The following ZNF608 variants were observed in gnomAD, a reference collection of about 807,000 sequenced individuals.
The protein encoded by ZNF608 is renal carcinoma antigen NY-REN-36.
Under a neutral mutation model 109.0 loss-of-function variants are expected in ZNF608, and 12 were observed. The observed-to-expected ratio is 0.11, with a 90% CI of 0.07 to 0.18. The LOEUF is 0.18. Ranked by LOEUF, ZNF608 falls within the 10% of genes least tolerant of loss-of-function variation. ZNF608 has a pLI of 1.00. For missense variants in ZNF608, 1,707 were observed against 1,879.3 expected (o/e 0.91, Z 1.70); for synonymous variants, 732 against 717.4 (o/e 1.02, Z -0.33).
chr5:124,676,246 T>TA (rs767391383), intron 3 of ZNF608, among the ~76,000 whole-genome samples: 2 of 152,284 alleles, frequency 1.3e-5, no homozygotes, highest in Admixed American at 6.5e-5. Flanking sequence ...GTGCAAACAA[T>TA]AAACGCTCTG....
chr5:124,639,389 T>C (rs1750133463), intron 8 of ZNF608, among the ~76,000 whole-genome samples, 175 bp from the exon 9 acceptor site: 1 of 152,260 alleles, frequency 6.6e-6, no homozygotes, highest in South Asian at 2.1e-4. Flanking sequence ...ATCTGCTATC[T>C]ATCCTTTCTT....
At chr5:124,668,234 T>A (rs1751569884) in intron 3 of ZNF608, among the ~76,000 whole-genome samples, 1 of 145,730 alleles carries the variant, frequency 6.9e-6, no homozygotes, top group Non-Finnish European at 1.5e-5. Context: ...TATATATATT[T>A]TATATATATC....
intron 3 of ZNF608, among the ~76,000 whole-genome samples, chr5:124,680,185 T>G (rs1050865189): frequency 6.6e-6 from 1 of 152,130 alleles, no homozygotes; most frequent in Non-Finnish European, 1.5e-5. Flanking sequence ...ATAAATTAAA[T>G]GACTAGATCT....
chr5:124,641,534 T>C, intron 7 of ZNF608, 129 bp from the exon 8 acceptor site: 1 of 1,065,994 alleles, frequency 9.4e-7, no homozygotes, highest in Non-Finnish European at 1.3e-6. Flanking sequence ...ATACAATTCT[T>C]TAGTAACTAA....
chr5:124,659,154 AT>A (rs10709034), intron 3 of ZNF608, among the ~76,000 whole-genome samples: 96,777 of 148,898 alleles, frequency 0.65, 32,059 homozygotes, highest in African/African-American at 0.81. Context: ...TAATTACAGG[AT>A]TTTTTTTTTT....
chr5:124,744,283 T>A lies in ZNF608; in HGVS notation c.707A>T (p.Tyr236Phe). 6.2e-7 allele frequency: 1 copy of A among 1,613,898 alleles called. No individual in the cohort carries two copies. The highest frequency in any genetic ancestry group is 1.7e-4 in the Middle Eastern group (1 of 6,060). ...TCCATTGCTCTTGGCCCCAAAGCCA[T>A]AGAGGTGCCCCCCGGAAGGGGCCTG... ...GSQAPSGGHLYGFGAKSNGGG... is the reference protein window; with the variant it reads ...GSQAPSGGHLFGFGAKSNGGG... Residue 236 changes from tyrosine (Y) to phenylalanine (F), a missense_variant, in exon 2 of 10, where the codon TAT (tyrosine) becomes TTT (phenylalanine). Around this residue, in one of 7 missense-constraint regions of ZNF608, gnomAD observed 407 missense variants for 398.7 expected, o/e 1.02. Transcript: ENST00000513986. The surrounding 1 kb of genome is among the most constrained non-coding windows in gnomAD (Gnocchi z 4.5).
At chr5:124,700,391 G>A (rs1394821831) in intron 3 of ZNF608, among the ~76,000 whole-genome samples, 1 of 152,212 alleles carries the variant, frequency 6.6e-6, no homozygotes, top group African/African-American at 2.4e-5. Flanking sequence ...CATTTCCTTT[G>A]AACCTTGTTT....
At chr5:124,706,678 G>A (rs1753270388) in intron 2 of ZNF608, among the ~76,000 whole-genome samples, 1 of 152,116 alleles carries the variant, frequency 6.6e-6, no homozygotes, top group African/African-American at 2.4e-5. Context: ...GGACACTGAT[G>A]TAACCTATTA....
At chr5:124,675,095 G>A (rs1356891459) in intron 3 of ZNF608, among the ~76,000 whole-genome samples, 1 of 152,092 alleles carries the variant, frequency 6.6e-6, no homozygotes, top group African/African-American at 2.4e-5. Flanking sequence ...AAACAAAACA[G>A]TCTCTCCTTT....
intron 3 of ZNF608, among the ~76,000 whole-genome samples, chr5:124,666,043 G>C (rs1196743077): frequency 6.6e-6 from 1 of 152,234 alleles, no homozygotes; most frequent in Non-Finnish European, 1.5e-5. Flanking sequence ...GTGCGTACTA[G>C]GTTGCTTGTG....
intron 2 of ZNF608, among the ~76,000 whole-genome samples, chr5:124,721,064 T>C (rs536963888): frequency 6.6e-6 from 1 of 152,148 alleles, no homozygotes; most frequent in African/African-American, 2.4e-5. Context: ...TGACAGTTTG[T>C]TATTCTGAGA....
chr5:124,746,068 T>A (rs1749629162), intron 1 of ZNF608, 127 bp downstream of exon 1: 1 of 956,798 alleles, frequency 1.0e-6, no homozygotes, highest in African/African-American at 1.8e-5. Context: ...CGCAAATGAG[T>A]GTGTTTGACA....
At chr5:124,689,655 T>A (rs192256507) in intron 3 of ZNF608, among the ~76,000 whole-genome samples, 1 of 152,286 alleles carries the variant, frequency 6.6e-6, no homozygotes, top group East Asian at 1.9e-4. Flanking sequence ...AGGCTCCACA[T>A]CATAAATTGT....
At chr5:124,642,692 C>CTTTT (rs755561532) in intron 7 of ZNF608, among the ~76,000 whole-genome samples, 35 of 95,276 alleles carry the variant, frequency 3.7e-4, no homozygotes, top group East Asian at 6.1e-4. Flanking sequence ...TTTCTATTGT[C>CTTTT]TTTTTTTTTT....
intron 2 of ZNF608, among the ~76,000 whole-genome samples, chr5:124,704,448 A>T (rs540677712): frequency 6.6e-5 from 10 of 152,232 alleles, no homozygotes; most frequent in Non-Finnish European, 1.5e-4. Flanking sequence ...GGTGGAGCAC[A>T]AAGTCTCCCC....
chr5:124,721,538 G>A (rs939005398), intron 2 of ZNF608, among the ~76,000 whole-genome samples: 1 of 152,042 alleles, frequency 6.6e-6, no homozygotes, highest in African/African-American at 2.4e-5. Context: ...AAATAGAAAT[G>A]GGGGAAATTA....
chr5:124,648,170 A>T lies in ZNF608; in HGVS notation c.2214T>A (p.Ile738=), dbSNP rs774621512. The T allele has an allele frequency of 2.7e-5, 43 of 1,612,918 alleles. No homozygotes were observed. In the Admixed American group the frequency reaches 7.2e-4, roughly 27 times the overall value. ...GGGGAGTGGGGGCTGGGGCAGGGGC[A>T]ATGGGCCGGGCACTTTTCAGTTTAG... is the stretch of plus-strand genomic sequence containing the variant. ...NLSKLKSARP[I]APAPAPTPPQ... Residue 738 remains isoleucine, a synonymous_variant, in exon 5 of 10, where the codon ATT becomes ATA. Coordinates refer to ENST00000513986, the MANE Select transcript of ZNF608 (RefSeq NM_020747.3).
chr5:124,741,435 A>C (rs1004485618), intron 2 of ZNF608, among the ~76,000 whole-genome samples: 2 of 143,830 alleles, frequency 1.4e-5, no homozygotes, highest in African/African-American at 2.6e-5. Context: ...ACACACATAC[A>C]CTCCCCCCTT....
chr5:124,726,509 T>C (rs970703554), intron 2 of ZNF608, among the ~76,000 whole-genome samples: 3 of 152,084 alleles, frequency 2.0e-5, no homozygotes, highest in African/African-American at 7.2e-5. Flanking sequence ...AACGTGACCA[T>C]TTCTTGCCAC....
Sources: gnomAD v4.1 joint callset for allele counts (sites outside exome capture counted in the v4.1 genomes callset) on GRCh38, gnomAD v4.1.1 for gene constraint, gnomAD v4.1.1 regional missense constraint, Gnocchi (gnomAD v3.1) non-coding constraint, MANE v1.5 for transcripts, NCBI Gene and HGNC (gene_info 2026-07-23, HGNC 2026-07-21) for gene names.